The following MAGI2 variants were observed in gnomAD, a reference collection of about 807,000 sequenced individuals.
MAGI2 encodes membrane-associated guanylate kinase, WW and PDZ domain-containing protein 2.
Under a neutral mutation model 133.3 loss-of-function variants are expected in MAGI2, and 35 were observed. The observed-to-expected ratio is 0.26, with a 90% CI of 0.20 to 0.35. The LOEUF is 0.35. MAGI2 is among the 10% of genes least tolerant of loss of function. The pLI is 1.00. For missense variants in MAGI2, 1,636 were observed against 1,863.4 expected (o/e 0.88, Z 2.25); for synonymous variants, 729 against 710.6 (o/e 1.03, Z -0.41).
intron 1 of MAGI2, among the ~76,000 whole-genome samples, chr7:79,448,276 A>G (rs1167709725): frequency 6.6e-6 from 1 of 152,088 alleles, no homozygotes; most frequent in East Asian, 1.9e-4. Flanking sequence ...ATTCTTTTCA[A>G]ATAAAATATT....
intron 15 of MAGI2, among the ~76,000 whole-genome samples, chr7:78,166,335 A>G (rs1273361880): frequency 6.6e-6 from 1 of 152,238 alleles, no homozygotes. Context: ...AGGTTATAGA[A>G]CATACAGCAC....
At chr7:78,551,653 C>A (rs575038497) in intron 3 of MAGI2, among the ~76,000 whole-genome samples, 2 of 152,336 alleles carry the variant, frequency 1.3e-5, no homozygotes, top group African/African-American at 2.4e-5. Context: ...AAGAGGGTAA[C>A]TTCTCATCCA....
chr7:79,204,418 A>C (rs7809989), intron 1 of MAGI2, among the ~76,000 whole-genome samples: 13,100 of 152,066 alleles, frequency 0.086, 1,109 homozygotes, highest in African/African-American at 0.2. Flanking sequence ...CTAGGCTTCT[A>C]GTAGCACTTC....
chr7:78,666,190 G>A (rs913515946), intron 2 of MAGI2, among the ~76,000 whole-genome samples: 3 of 152,200 alleles, frequency 2.0e-5, no homozygotes, highest in East Asian at 1.9e-4. Flanking sequence ...AGAGCTAGAC[G>A]ACTTTAAAAC....
At chr7:78,971,034 G>C (rs1392618802) in intron 2 of MAGI2, among the ~76,000 whole-genome samples, 1 of 151,946 alleles carries the variant, frequency 6.6e-6, no homozygotes, top group Non-Finnish European at 1.5e-5. Flanking sequence ...ATTCTCTGGT[G>C]GGTTTGTGTC....
intron 2 of MAGI2, among the ~76,000 whole-genome samples, chr7:78,783,250 A>T (rs1177334572): frequency 7.9e-5 from 12 of 152,074 alleles, no homozygotes; most frequent in Non-Finnish European, 1.6e-4. Context: ...GAATGTAGAG[A>T]TTTAGACACA....
At chr7:79,362,943 T>C (rs139867558) in intron 1 of MAGI2, among the ~76,000 whole-genome samples, 3 of 151,902 alleles carry the variant, frequency 2.0e-5, no homozygotes, top group African/African-American at 7.2e-5. Flanking sequence ...CTGGCAATTC[T>C]AGCTGTGGTA....
intron 2 of MAGI2, among the ~76,000 whole-genome samples, chr7:78,898,924 A>G (rs1358142143): frequency 6.6e-6 from 1 of 152,160 alleles, no homozygotes; most frequent in Non-Finnish European, 1.5e-5. Context: ...GAAATACTAC[A>G]TAATAATATG....
chr7:78,547,852 A>T (rs1584583613), intron 3 of MAGI2, among the ~76,000 whole-genome samples: 2 of 152,218 alleles, frequency 1.3e-5, no homozygotes, highest in East Asian at 3.8e-4. Flanking sequence ...ATAAAACAAT[A>T]TTGAGTGAAC....
rs558837122 is a variant in MAGI2, at chr7:79,035,176, T to C, written c.302-27970A>G. 6.9e-5 allele frequency among the ~76,000 whole-genome samples: 7 copies of C among 101,162 alleles called. No individual in the cohort carries two copies. In the South Asian group the frequency reaches 2.4e-3, roughly 34 times the overall value. The allele number at this position is 101,162 out of a possible 152,430, so 66.4% of individuals were successfully genotyped here. ...CATGACTATTTTTGAATCAGTGCATTCCCACAAAAAAAAGTGTGTGTGTGT... is the reference window on the plus strand; with the variant it reads ...CATGACTATTTTTGAATCAGTGCATCCCCACAAAAAAAAGTGTGTGTGTGT... On this transcript the variant is annotated intron_variant, in intron 1 of 21. Coordinates refer to ENST00000354212, the MANE Select transcript of MAGI2 (RefSeq NM_012301.4).
At chr7:78,349,494 T>G (rs1159096538) in intron 7 of MAGI2, among the ~76,000 whole-genome samples, 5 of 152,222 alleles carry the variant, frequency 3.3e-5, no homozygotes, top group Non-Finnish European at 7.3e-5. Flanking sequence ...CCTCCAACTT[T>G]CCACCTGCAT....
At chr7:78,121,823 G>A (rs1820502455) in intron 20 of MAGI2, among the ~76,000 whole-genome samples, 3 of 152,030 alleles carry the variant, frequency 2.0e-5, no homozygotes, top group South Asian at 2.1e-4. Flanking sequence ...AAATTGACAG[G>A]GAAAATCTCA....
chr7:78,428,753 A>G (rs1799517534), intron 6 of MAGI2, among the ~76,000 whole-genome samples: 1 of 152,110 alleles, frequency 6.6e-6, no homozygotes. Flanking sequence ...TTAGTTTCAC[A>G]CGTATATTTC....
At chr7:78,629,674 T>C (rs1320627436) in intron 2 of MAGI2, among the ~76,000 whole-genome samples, 1 of 152,144 alleles carries the variant, frequency 6.6e-6, no homozygotes, top group Non-Finnish European at 1.5e-5. Context: ...TTACTTAATG[T>C]CAGTTTGATC....
chr7:78,089,063 T>C (rs1816925109), intron 20 of MAGI2, among the ~76,000 whole-genome samples: 1 of 152,106 alleles, frequency 6.6e-6, no homozygotes, highest in Non-Finnish European at 1.5e-5. Context: ...ACGAAATGGG[T>C]TCCTACCCCA....
At chr7:78,224,936 GA>G (rs1789219060) in intron 10 of MAGI2, among the ~76,000 whole-genome samples, 1 of 152,046 alleles carries the variant, frequency 6.6e-6, no homozygotes, top group Admixed American at 6.5e-5. Context: ...ATTCCCAGCA[GA>G]GAAATAGGTC....
chr7:78,595,014 T>C lies in MAGI2; in HGVS notation c.538+32106A>G, dbSNP rs1173972052. Among the ~76,000 whole-genome samples the C allele has an allele frequency of 3.9e-5, 6 of 152,218 alleles. No homozygotes were observed. The East Asian group carries it at 7.7e-4, about 20-fold the overall frequency. ...GAAGGTATATAAGGTCTGGAAGACT[T>C]TGTAATTTTGAGTTGGTCTGGCAAT... is the stretch of plus-strand genomic sequence containing the variant. On this transcript the variant is annotated intron_variant, in intron 3 of 21. Transcript: ENST00000354212.
chr7:78,909,970 A>C (rs1798284366), intron 2 of MAGI2, among the ~76,000 whole-genome samples: 1 of 152,186 alleles, frequency 6.6e-6, no homozygotes, highest in Admixed American at 6.5e-5. Context: ...AAGGAATGAG[A>C]TCATGGCCTT....
chr7:79,021,249 C>G (rs1809300926), intron 1 of MAGI2, among the ~76,000 whole-genome samples: 1 of 152,296 alleles, frequency 6.6e-6, no homozygotes, highest in Middle Eastern at 3.4e-3. Flanking sequence ...TTTGGAGCCC[C>G]CACACAGAGT....
Sources: gnomAD v4.1 joint callset for allele counts (sites outside exome capture counted in the v4.1 genomes callset) on GRCh38, gnomAD v4.1.1 for gene constraint, MANE v1.5 for transcripts, NCBI Gene and HGNC (gene_info 2026-07-23, HGNC 2026-07-21) for gene names.